The following ENOX2 variants were observed in gnomAD, a reference collection of about 807,000 sequenced individuals.
The protein encoded by ENOX2 is ecto-NOX disulfide-thiol exchanger 2.
ENOX2 carries 36 observed loss-of-function variants against 45.0 expected under a neutral mutation model. The ratio of observed to expected loss-of-function variants is 0.80; its 90% CI spans 0.61 to 1.06. The LOEUF is 1.06. ENOX2 is among the 50% of genes least tolerant of loss of function. ENOX2 has a pLI of 0.00. For missense variants in ENOX2, 423 were observed against 462.5 expected, an observed-to-expected ratio of 0.91 and a Z score of 0.78; for synonymous variants, 174 against 152.3, an observed-to-expected ratio of 1.14 and a Z score of -1.05.
intron 2 of ENOX2, among the ~76,000 whole-genome samples, chrX:130,854,885 G>A (rs1046220413): frequency 1.3e-4 from 14 of 111,066 alleles, no homozygotes; most frequent in African/African-American, 3.3e-4. Context: ...AAAATGTCTC[G>A]GAAAACTTAT....
chrX:130,884,746 AAG>A (rs1023276736), intron 2 of ENOX2, among the ~76,000 whole-genome samples: 18 of 110,637 alleles, frequency 1.6e-4, no homozygotes, highest in African/African-American at 4.6e-4. Context: ...GAGAGAGAGA[AAG>A]AGAGACACAG....
intron 2 of ENOX2, among the ~76,000 whole-genome samples, chrX:130,839,792 A>C (rs911084867): frequency 8.9e-6 from 1 of 111,970 alleles, no homozygotes; most frequent in Non-Finnish European, 1.9e-5. Flanking sequence ...TGTTGTAAAA[A>C]AGTCTGAGAA....
chrX:130,665,859 G>C, intron 8 of ENOX2, 110 bp from the exon 9 acceptor site: 1 of 511,158 alleles, frequency 2.0e-6, no homozygotes, highest in East Asian at 3.7e-5. Context: ...GTTGTATCTT[G>C]TTGTTATGAC....
intron 2 of ENOX2, among the ~76,000 whole-genome samples, chrX:130,849,378 G>C (rs2078168395): frequency 8.9e-6 from 1 of 111,798 alleles, no homozygotes; most frequent in Non-Finnish European, 1.9e-5. Context: ...GGGATGGTGG[G>C]GTGGAGGGGA....
chrX:130,703,333 CA>C, intron 3 of ENOX2, 79 bp from the exon 4 acceptor site: 2 of 971,224 alleles, frequency 2.1e-6, no homozygotes, highest in Non-Finnish European at 2.8e-6. Context: ...TAAATTCTGG[CA>C]AACTGTTTAT....
chrX:130,761,660 GGGACA>G (rs1441429344), intron 3 of ENOX2, among the ~76,000 whole-genome samples: 1 of 111,323 alleles, frequency 9.0e-6, no homozygotes, highest in Non-Finnish European at 1.9e-5. Flanking sequence ...GGCAAAATGG[GGGACA>G]GGCATGTCAC....
chrX:130,634,702 C>T (rs949735939), intron 12 of ENOX2, among the ~76,000 whole-genome samples: 3 of 111,545 alleles, frequency 2.7e-5, no homozygotes, highest in African/African-American at 9.8e-5. Context: ...GAGGTGTGCA[C>T]TCTGGTCGTC....
At chrX:130,714,794 T>C (rs1411943794) in intron 3 of ENOX2, among the ~76,000 whole-genome samples, 1 of 111,263 alleles carries the variant, frequency 9.0e-6, no homozygotes, top group East Asian at 2.8e-4. Context: ...GGTTTGAAAA[T>C]GGCTAAACAG....
chrX:130,694,920 A>C (rs1170949143), intron 4 of ENOX2, among the ~76,000 whole-genome samples: 1 of 111,415 alleles, frequency 9.0e-6, no homozygotes. Flanking sequence ...TTGGCTACTT[A>C]TGAATTTCCA....
rs1207386913 is a variant in ENOX2 at position 130,669,921 on chromosome X, A to G, written c.694+44T>C. 7 of 955,013 alleles carry G rather than the reference A, an allele frequency of 7.3e-6. No individual in the cohort carries two copies. The African/African-American group carries it at 1.3e-4, about 18-fold the overall frequency. The allele number at this position is 955,013 out of a possible 1,213,427, so 78.7% of individuals were successfully genotyped here. ...AATTATATTTATGACACTTCTCTAA[A>G]GAAAAGAGTTCTTTTAATCATGAAG... On this transcript the variant is annotated intron_variant, in intron 7 of 14. Coordinates refer to ENST00000394363, the MANE Select transcript of ENOX2 (RefSeq NM_006375.4).
chrX:130,780,403 G>C (rs1368352441), intron 3 of ENOX2, among the ~76,000 whole-genome samples: 1 of 111,593 alleles, frequency 9.0e-6, no homozygotes. Context: ...TAGAGGCCTG[G>C]GTAAACCACT....
In ENOX2 at chrX:130,847,346, GTACAT is replaced by G. The variant is rs778023558; in HGVS notation, c.-183+54333_-183+54337del. Reference sequence around the variant, plus strand: ...GTTGTGCTACTAGTGGCATCCATCTGTACATTATATTTCTAGAAAAATGTTACAAG... The same window carrying G: ...GTTGTGCTACTAGTGGCATCCATCTGTATATTTCTAGAAAAATGTTACAAG... On this transcript the variant is annotated intron_variant, in intron 2 of 14. Coordinates refer to ENST00000394363, the MANE Select transcript of ENOX2 (RefSeq NM_006375.4). 2.7e-5 allele frequency among the ~76,000 whole-genome samples: 3 copies of G among 111,621 alleles called. No homozygotes were observed. In the East Asian group the frequency reaches 8.4e-4, roughly 31 times the overall value.
intron 2 of ENOX2, among the ~76,000 whole-genome samples, chrX:130,816,985 T>A (rs188024447): frequency 1.2e-4 from 14 of 112,049 alleles, no homozygotes; most frequent in African/African-American, 4.5e-4. Flanking sequence ...CAGGAGCTGA[T>A]TTTTTGAAAA....
At chrX:130,787,891 C>T (rs1463097324) in intron 2 of ENOX2, among the ~76,000 whole-genome samples, 1 of 111,497 alleles carries the variant, frequency 9.0e-6, no homozygotes, top group Admixed American at 9.6e-5. Context: ...AGCTGACTCG[C>T]TGAACACAAA....
At chrX:130,707,065 G>C (rs1248289327) in intron 3 of ENOX2, among the ~76,000 whole-genome samples, 2 of 112,629 alleles carry the variant, frequency 1.8e-5, no homozygotes, top group South Asian at 7.3e-4. Flanking sequence ...GAAAAGTTAA[G>C]TTCTGGCCTG....
chrX:130,794,661 T>A (rs1283174247), intron 2 of ENOX2, among the ~76,000 whole-genome samples: 6 of 112,936 alleles, frequency 5.3e-5, no homozygotes, highest in Non-Finnish European at 7.5e-5. Context: ...CAGTGTAAGA[T>A]GTTTTGAAGG....
At chrX:130,691,748 C>G (rs2037603515) in intron 4 of ENOX2, among the ~76,000 whole-genome samples, 1 of 112,343 alleles carries the variant, frequency 8.9e-6, no homozygotes, top group African/African-American at 3.2e-5. Flanking sequence ...ATTCGTATAG[C>G]TCTGTCACTC....
intron 2 of ENOX2, among the ~76,000 whole-genome samples, chrX:130,797,525 T>C (rs2077151251): frequency 9.1e-6 from 1 of 109,984 alleles, no homozygotes; most frequent in Non-Finnish European, 1.9e-5. Flanking sequence ...GGGAAACTTA[T>C]CCTTTGGAGA....
In ENOX2 at chrX:130,703,138, C is replaced by T. The variant is rs775001783; in HGVS notation, c.79G>A (p.Gly27Arg). 9.1e-6 allele frequency: 11 copies of T among 1,205,582 alleles called. No individual in the cohort carries two copies. In the Middle Eastern group the frequency reaches 6.9e-4, roughly 76 times the overall value. ...NLGMAPLGIA[G>R]QPILPDFDPA... is the part of the protein sequence containing the mutation. Reference sequence around the variant, plus strand: ...AACATACCAGGTAAAATTGGTTGTCCGGCAATTCCCAGCGGTGCCATTCCA... The same window carrying T: ...AACATACCAGGTAAAATTGGTTGTCTGGCAATTCCCAGCGGTGCCATTCCA... Residue 27 changes from glycine (G) to arginine (R), a missense_variant, in exon 4 of 15, where the codon GGA (glycine) becomes AGA (arginine). Gly to Arg is a moderately radical substitution (Grantham distance 125, BLOSUM62 -2). Coordinates refer to ENST00000394363, the MANE Select transcript of ENOX2 (RefSeq NM_006375.4).
Sources: allele counts gnomAD v4.1 joint callset (sites outside exome capture counted in the v4.1 genomes callset), GRCh38; gene constraint gnomAD v4.1.1; transcripts MANE v1.5; gene names NCBI Gene and HGNC (gene_info 2026-07-23, HGNC 2026-07-21).